The following NOMO1 variants were observed in gnomAD, a reference collection of about 807,000 sequenced individuals.
The protein encoded by NOMO1 is nodal modulator 3.
NOMO1 carries 40 observed loss-of-function variants against 133.8 expected under a neutral mutation model. The ratio of observed to expected loss-of-function variants is 0.30; its 90% CI spans 0.23 to 0.39. The LOEUF (loss-of-function observed/expected upper bound fraction) is 0.39, where lower values mean the gene tolerates loss of function less well. Ranked by LOEUF, NOMO1 falls within the 10% of genes least tolerant of loss-of-function variation. The pLI, the probability that NOMO1 is intolerant of heterozygous loss-of-function variation, is 1.00. For synonymous variants in NOMO1, 236 were observed against 570.5 expected (o/e 0.41, Z 8.36); for missense variants, 462 against 1,419.9 (o/e 0.33, Z 10.84).
intron 11 of NOMO1, chr16:14,862,453 A>G (rs1429124847): frequency 6.4e-6 from 1 of 156,874 alleles, no homozygotes; most frequent in Non-Finnish European, 1.4e-5. Context: ...AAGGAGTTCA[A>G]TTTTAGCTTT....
intron 16 of NOMO1, among the ~76,000 whole-genome samples, chr16:14,870,779 C>CCCCT (rs1192755268): frequency 5.5e-5 from 8 of 146,478 alleles, no homozygotes. Context: ...TCAAATGCTC[C>CCCCT]CCCTCTCTGT....
chr16:14,887,053 A>G (rs898291609), intron 28 of NOMO1, among the ~76,000 whole-genome samples, 191 bp downstream of exon 28: 9 of 152,126 alleles, frequency 5.9e-5, no homozygotes, highest in African/African-American at 2.2e-4. Flanking sequence ...AAAAGAATAC[A>G]TATTCATGGC....
At chr16:14,862,585 T>C (rs1963936150) in intron 11 of NOMO1, 1 of 181,880 alleles carries the variant, frequency 5.5e-6, no homozygotes, top group Non-Finnish European at 1.2e-5. Context: ...GATGGCCTGG[T>C]AATGCCACAG....
chr16:14,839,541 A>G (rs1963573975), intron 2 of NOMO1, among the ~76,000 whole-genome samples: 1 of 151,712 alleles, frequency 6.6e-6, no homozygotes, highest in South Asian at 2.1e-4. Flanking sequence ...ATTTGGAAAT[A>G]CAGATTCATA....
rs199820098 is a variant in NOMO1, at chr16:14,866,732, C to T, written c.1806+41C>T. 1.9e-4 allele frequency: 310 copies of T among 1,608,214 alleles called. 4 individuals are homozygous for T. Among genetic ancestry groups the T allele is most frequent in the Admixed American group, 3.2e-4 (19 of 59,886 alleles). ...TGAGTCTCTTATTTGGAAAAGCGCT[C>T]GCCTTGTGGATGTCAAGAAAGACTA... On this transcript the variant is annotated intron_variant, in intron 15 of 30. Coordinates refer to ENST00000287667, the MANE Select transcript of NOMO1 (RefSeq NM_014287.4).
intron 2 of NOMO1, among the ~76,000 whole-genome samples, chr16:14,839,489 A>G (rs1474554271): frequency 2.0e-5 from 3 of 152,000 alleles, no homozygotes; most frequent in Non-Finnish European, 2.9e-5. Context: ...TGTATCCACA[A>G]ACACCTCTAT....
intron 17 of NOMO1, 121 bp from the exon 18 acceptor site, chr16:14,872,113 C>T (rs1425815099): frequency 2.0e-5 from 25 of 1,270,122 alleles, no homozygotes; most frequent in Non-Finnish European, 2.8e-5. Context: ...GTTATTTTAC[C>T]CCAGACTAAG....
intron 14 of NOMO1, among the ~76,000 whole-genome samples, chr16:14,865,536 A>G (rs1395562097): frequency 1.3e-5 from 2 of 149,244 alleles, no homozygotes; most frequent in South Asian, 2.1e-4. Context: ...CAGTTTTCCC[A>G]TCTGTAAAAT....
At chr16:14,844,381 A>T (rs1247450552) in intron 3 of NOMO1, among the ~76,000 whole-genome samples, 1 of 151,490 alleles carries the variant, frequency 6.6e-6, no homozygotes, top group African/African-American at 2.4e-5. Flanking sequence ...TTTTCACTGG[A>T]ACTCTGAGAT....
chr16:14,859,941 G>A (rs1336633751), intron 11 of NOMO1, among the ~76,000 whole-genome samples: 7 of 152,014 alleles, frequency 4.6e-5, no homozygotes, highest in Non-Finnish European at 8.8e-5. Flanking sequence ...TCAGAGGCCT[G>A]CATAGGATAG....
intron 3 of NOMO1, among the ~76,000 whole-genome samples, chr16:14,843,480 T>C (rs1331015432): frequency 1.3e-5 from 2 of 152,024 alleles, no homozygotes; most frequent in Non-Finnish European, 2.9e-5. Flanking sequence ...CCCAGCAGTG[T>C]ACAAGGGTTT....
chr16:14,879,700 G>C (rs1472344913), intron 23 of NOMO1, among the ~76,000 whole-genome samples: 1 of 138,550 alleles, frequency 7.2e-6, no homozygotes, highest in African/African-American at 2.7e-5. Context: ...TGCTGTGATC[G>C]TGCACTCCAT....
chr16:14,870,878 G>A (rs1964071959), intron 16 of NOMO1, among the ~76,000 whole-genome samples: 1 of 147,948 alleles, frequency 6.8e-6, no homozygotes, highest in African/African-American at 2.5e-5. Flanking sequence ...CCAGGAAGAG[G>A]TGCTCTGTCG....
intron 20 of NOMO1, among the ~76,000 whole-genome samples, 180 bp downstream of exon 20, chr16:14,875,602 T>TTGGATGGA (rs1166983816): frequency 2.1e-4 from 31 of 149,356 alleles, no homozygotes; most frequent in East Asian, 1.2e-3. Flanking sequence ...GATGGTTGGG[T>TTGGATGGA]TGGATGGATG....
At position 14,866,692 on chromosome 16, in the gene NOMO1, G is replaced by A. The variant is rs922020177; in HGVS notation, c.1806+1G>A. On this transcript the variant is annotated splice_donor_variant, in intron 15 of 30. Coordinates refer to ENST00000287667, the MANE Select transcript of NOMO1 (RefSeq NM_014287.4). LOFTEE classifies it high-confidence loss of function. ...TTCCCTGTCTCACGCCATCACTCTG[G>A]TATGTACGGCTTATTGAGTCTCTTA... is the stretch of plus-strand genomic sequence containing the variant. 5 of 1,610,094 alleles carry A rather than the reference G, an allele frequency of 3.1e-6. No individual in the cohort carries two copies. The highest frequency in any genetic ancestry group is 4.2e-6 in the Non-Finnish European group (5 of 1,179,720).
rs1343218639 is a variant in NOMO1 at position 14,875,090 on chromosome 16, G to T, written c.2109G>T (p.Gln703His). ...ALVLGPLKSV[Q>H]ELRREQQLAE... ...TCTTAGGCCCTCTGAAGTCTGTGCA[G>T]GAGCTGCGGAGGGAGCAGCAGCTGG... Residue 703 changes from glutamine (Q) to histidine (H), a missense_variant, in exon 19 of 31, where the codon CAG (glutamine) becomes CAT (histidine). Coordinates refer to ENST00000287667, the MANE Select transcript of NOMO1 (RefSeq NM_014287.4). 3 of 1,613,796 alleles carry T rather than the reference G, an allele frequency of 1.9e-6. No homozygotes were observed. Among genetic ancestry groups the T allele is most frequent in the Non-Finnish European group, 2.5e-6 (3 of 1,179,810 alleles).
At chr16:14,881,313 A>G (rs1441287261) in intron 24 of NOMO1, among the ~76,000 whole-genome samples, 4 of 151,998 alleles carry the variant, frequency 2.6e-5, no homozygotes, top group South Asian at 2.1e-4. Flanking sequence ...TTAAATTACA[A>G]TTTTCCAGAG....
intron 24 of NOMO1, among the ~76,000 whole-genome samples, chr16:14,881,276 A>G (rs1469592915): frequency 6.6e-6 from 1 of 151,940 alleles, no homozygotes; most frequent in East Asian, 1.9e-4. Context: ...TAAAGCCTAG[A>G]AAGAATAAAA....
At chr16:14,887,358 A>G (rs1243946849) in intron 28 of NOMO1, among the ~76,000 whole-genome samples, 1 of 151,610 alleles carries the variant, frequency 6.6e-6, no homozygotes, top group Non-Finnish European at 1.5e-5. Flanking sequence ...CAGTGGCGCA[A>G]TCTGGGCTCA....
Sources: gnomAD v4.1 joint callset for allele counts (sites outside exome capture counted in the v4.1 genomes callset) on GRCh38, gnomAD v4.1.1 for gene constraint, MANE v1.5 for transcripts, NCBI Gene and HGNC (gene_info 2026-07-23, HGNC 2026-07-21) for gene names.